THRAP3: variants seen among roughly 807,000 people sequenced by gnomAD.
The protein encoded by THRAP3 is thyroid hormone receptor associated protein 3.
THRAP3 carries 16 observed loss-of-function variants against 101.0 expected under a neutral mutation model. That is an observed-to-expected ratio of 0.16 (90% confidence interval 0.11 to 0.24). The LOEUF (loss-of-function observed/expected upper bound fraction) is 0.24, where lower values mean the gene tolerates loss of function less well. THRAP3 is among the 10% of genes least tolerant of loss of function. THRAP3 has a pLI of 1.00. For missense variants in THRAP3, 989 were observed against 1,202.7 expected (o/e 0.82, Z 2.63); for synonymous variants, 407 against 422.6 (o/e 0.96, Z 0.45).
chr1:36,275,644 C>T (rs1570310872), intron 2 of THRAP3, among the ~76,000 whole-genome samples: 1 of 147,074 alleles, frequency 6.8e-6, no homozygotes, highest in East Asian at 2.0e-4. Flanking sequence ...GAGTTTCACT[C>T]TTATTGCCCA....
chr1:36,261,412 A>G (rs1645444246), intron 2 of THRAP3, among the ~76,000 whole-genome samples: 1 of 152,058 alleles, frequency 6.6e-6, no homozygotes. Flanking sequence ...GGGCGCCTGT[A>G]GTCCCAGCTA....
At chr1:36,240,345 C>T (rs1645140824) in intron 1 of THRAP3, among the ~76,000 whole-genome samples, 1 of 152,148 alleles carries the variant, frequency 6.6e-6, no homozygotes, top group South Asian at 2.1e-4. Flanking sequence ...TAGTGCAAGT[C>T]CTAGAGTCCA....
At chr1:36,241,597 CAGA>C (rs1645162207) in intron 1 of THRAP3, among the ~76,000 whole-genome samples, 2 of 94,320 alleles carry the variant, frequency 2.1e-5, no homozygotes, top group African/African-American at 1.1e-4. Context: ...TTTTTTTTTT[CAGA>C]CAGAGTCTTG....
chr1:36,245,841 C>T (rs1195648531), intron 1 of THRAP3, among the ~76,000 whole-genome samples: 1 of 152,102 alleles, frequency 6.6e-6, no homozygotes, highest in African/African-American at 2.4e-5. Flanking sequence ...TCGCTACTTC[C>T]TCCCCACACC....
chr1:36,294,834 C>A (rs947934362), intron 8 of THRAP3, among the ~76,000 whole-genome samples: 7 of 152,142 alleles, frequency 4.6e-5, no homozygotes, highest in African/African-American at 1.4e-4. Context: ...GAGGTGTTAC[C>A]CCTGGGAGCA....
chr1:36,280,917 C>T (rs1645722909), intron 2 of THRAP3, among the ~76,000 whole-genome samples: 1 of 150,870 alleles, frequency 6.6e-6, no homozygotes, highest in African/African-American at 2.4e-5. Context: ...AAAGTTGACT[C>T]TTTATTTTTA....
chr1:36,221,783 A>T (rs559638705), upstream of THRAP3, among the ~76,000 whole-genome samples: 5 of 144,972 alleles, frequency 3.4e-5, no homozygotes, highest in African/African-American at 5.1e-5. Context: ...ACGGAGTTTC[A>T]CCGTGTTGGT....
chr1:36,254,787 T>TA (rs921995359), intron 1 of THRAP3, among the ~76,000 whole-genome samples: 10 of 152,092 alleles, frequency 6.6e-5, no homozygotes, highest in South Asian at 2.1e-4. Context: ...ATTTTTTTGA[T>TA]AAAAAAAAAT....
intron 1 of THRAP3, among the ~76,000 whole-genome samples, chr1:36,234,087 C>G (rs1243757822): frequency 1.3e-5 from 2 of 152,110 alleles, no homozygotes; most frequent in Non-Finnish European, 2.9e-5. Flanking sequence ...TCCTGAGTAG[C>G]TAGGACTATA....
At chr1:36,250,113 GGTAGAC>G (rs1645280909) in intron 1 of THRAP3, among the ~76,000 whole-genome samples, 1 of 151,846 alleles carries the variant, frequency 6.6e-6, no homozygotes, top group Admixed American at 6.6e-5. Context: ...AATTACATAA[GGTAGAC>G]TCTGGATATA....
chr1:36,293,590 C>G (rs998820955), intron 7 of THRAP3, among the ~76,000 whole-genome samples: 1 of 148,594 alleles, frequency 6.7e-6, no homozygotes, highest in Non-Finnish European at 1.5e-5. Context: ...GTAGCAAAAC[C>G]AGGAGAGAAC....
At chr1:36,279,623 C>A (rs1645706439) in intron 2 of THRAP3, among the ~76,000 whole-genome samples, 1 of 152,148 alleles carries the variant, frequency 6.6e-6, no homozygotes, top group African/African-American at 2.4e-5. Flanking sequence ...AGGATTAAAA[C>A]CGTGGGTTCT....
At chr1:36,236,024 A>G (rs2124374305) in intron 1 of THRAP3, among the ~76,000 whole-genome samples, 1 of 152,054 alleles carries the variant, frequency 6.6e-6, no homozygotes, top group East Asian at 1.9e-4. Context: ...CGAGGTGGGC[A>G]GATTGTGAGG....
At chr1:36,255,898 C>G (rs1645368212) in intron 1 of THRAP3, among the ~76,000 whole-genome samples, 1 of 151,962 alleles carries the variant, frequency 6.6e-6, no homozygotes, top group South Asian at 2.1e-4. Context: ...TAGCGTTTAC[C>G]CTTTGTTTGG....
chr1:36,304,421 C>T lies in THRAP3; in HGVS notation c.*404C>T. ...TTGATGATTTTCGATCTCTTTTCCC[C>T]TGTCCTGATTTTAAAAGCCCCCTCC... On this transcript the variant is annotated 3_prime_UTR_variant, in exon 12 of 12. Coordinates refer to ENST00000354618, the MANE Select transcript of THRAP3 (RefSeq NM_005119.4). 4.3e-6 allele frequency: 1 copy of T among 230,146 alleles called. No individual in the cohort carries two copies. The highest frequency in any genetic ancestry group is 8.4e-6 in the Non-Finnish European group (1 of 118,376). The allele number at this position is 230,146 out of a possible 1,614,324, so 14.3% of individuals were successfully genotyped here.
At chr1:36,243,981 C>T (rs1297198094) in intron 1 of THRAP3, among the ~76,000 whole-genome samples, 16 of 140,922 alleles carry the variant, frequency 1.1e-4, no homozygotes, top group African/African-American at 4.0e-4. Context: ...GCTGAACCCC[C>T]CACCTCCCTC....
At chr1:36,287,351 G>C in intron 4 of THRAP3, 81 bp downstream of exon 4, 1 of 1,450,130 alleles carries the variant, frequency 6.9e-7, no homozygotes, top group Non-Finnish European at 9.2e-7. Flanking sequence ...CTAAGTTAGA[G>C]CTCTGATTAA....
chr1:36,243,049 A>G (rs1645180938), intron 1 of THRAP3, among the ~76,000 whole-genome samples: 2 of 151,992 alleles, frequency 1.3e-5, no homozygotes, highest in Non-Finnish European at 2.9e-5. Context: ...GGGTGACAGT[A>G]AGACCCCATC....
chr1:36,245,274 C>G (rs1645217614), intron 1 of THRAP3, among the ~76,000 whole-genome samples: 1 of 151,156 alleles, frequency 6.6e-6, no homozygotes, highest in Non-Finnish European at 1.5e-5. Context: ...TCAAGCGATT[C>G]TCCTGCCTCA....
Sources: allele counts gnomAD v4.1 joint callset (sites outside exome capture counted in the v4.1 genomes callset), GRCh38; gene constraint gnomAD v4.1.1; transcripts MANE v1.5; gene names NCBI Gene and HGNC (gene_info 2026-07-23, HGNC 2026-07-21).